The following FIGLA variants were observed in gnomAD, a reference collection of about 807,000 sequenced individuals.
The protein encoded by FIGLA is folliculogenesis specific bHLH transcription factor.
A neutral mutation model predicts 21.5 loss-of-function variants in FIGLA; 17 were observed. The observed-to-expected ratio is 0.79, with a 90% CI of 0.54 to 1.19. The LOEUF (loss-of-function observed/expected upper bound fraction) is 1.19. Ranked by LOEUF, FIGLA falls within the 50% of genes most tolerant of loss-of-function variation. FIGLA has a pLI of 0.00. For synonymous variants in FIGLA, 129 were observed against 117.6 expected, an observed-to-expected ratio of 1.10 and a Z score of -0.63; for missense variants, 282 against 285.0, an observed-to-expected ratio of 0.99 and a Z score of 0.08.
chr2:70,787,657 C>A lies in FIGLA; in HGVS notation c.376G>T (p.Asp126Tyr). ...VLSDLLEGAKDSKKQDPDEQS... is the reference protein window; with the variant it reads ...VLSDLLEGAKYSKKQDPDEQS... ...AAATCTTACACCTTTACCTTTGAGT[C>A]TTTGGCTCCTTCCAAAAGATCACTG... The change falls in exon 2 of 5, where the codon GAC becomes TAC. Residue 126 changes from aspartate to tyrosine, a missense_variant. Coordinates refer to ENST00000332372, the MANE Select transcript of FIGLA (RefSeq NM_001004311.3). The A allele has an allele frequency of 6.4e-7, 1 of 1,566,352 alleles. No individual in the cohort carries two copies. The highest frequency in any genetic ancestry group is 8.7e-7 in the Non-Finnish European group (1 of 1,154,816).
In FIGLA at chr2:70,785,472, G is replaced by A. The variant is rs7566541; in HGVS notation, c.552C>T (p.His184=). Residue 184 remains histidine (H), a synonymous_variant, in exon 3 of 5, where the codon CAC becomes CAT. Transcript: ENST00000332372. Reference sequence around the variant, plus strand: ...TAGACATCACACTGTGGCGACAAGCGTGTGCTGGCTCACCACTGCCACCAT... The same window carrying A: ...TAGACATCACACTGTGGCGACAAGCATGTGCTGGCTCACCACTGCCACCAT... The part of the protein sequence containing the change: ...WADGGSGEPA[H]ACRHSVMSTT... The A allele has an allele frequency of 0.6, 964,775 of 1,613,550 alleles. 297,347 individuals carry two copies. The highest frequency in any genetic ancestry group is 0.92 in the East Asian group (41,110 of 44,878).
rs782471748 is a variant in FIGLA at position 70,787,700 on chromosome 2, A to G, written c.333T>C (p.Thr111=). The G allele has an allele frequency of 6.2e-7, 1 of 1,603,490 alleles. No homozygotes were observed. The highest frequency in any genetic ancestry group is 8.5e-7 in the Non-Finnish European group (1 of 1,175,006). The change falls in exon 2 of 5, where the codon ACT becomes ACC. Residue 111 remains threonine, a synonymous_variant. Coordinates refer to ENST00000332372, the MANE Select transcript of FIGLA (RefSeq NM_001004311.3). ...GATCACTGAGAACCTGTATATATTC[A>G]GTCGCACCTTTAAGGATATCAACTT... ...PSKVDILKGA[T]EYIQVLSDLL...
rs1423661272 is a variant in FIGLA, at chr2:70,790,383, G to A, written c.231+25C>T. On this transcript the variant is annotated intron_variant, in intron 1 of 4. Coordinates refer to ENST00000332372, the MANE Select transcript of FIGLA (RefSeq NM_001004311.3). ...TGGTAGAGCAGGGAAGGGGGGAACG[G>A]ACGTCGACCCTAGGGATCCCTCACC... 3 of 1,500,502 alleles carry A rather than the reference G, an allele frequency of 2.0e-6. No homozygotes were observed. In the Middle Eastern group the frequency reaches 5.2e-4, roughly 258 times the overall value. 92.9% of individuals were successfully genotyped at this position (1,500,502 alleles called of 1,614,324 possible). A position where few individuals can be genotyped will look rare whatever the true frequency, so the allele number is the denominator to read the frequency against.
At chr2:70,782,518 CATT>C (rs1172726351) in intron 3 of FIGLA, among the ~76,000 whole-genome samples, 2 of 152,196 alleles carry the variant, frequency 1.3e-5, no homozygotes, top group Non-Finnish European at 2.9e-5. Flanking sequence ...CTAGAAGAGA[CATT>C]ATTGAGACTA....
intron 1 of FIGLA, among the ~76,000 whole-genome samples, chr2:70,788,431 T>C (rs1180653494): frequency 1.3e-5 from 2 of 152,044 alleles, no homozygotes; most frequent in East Asian, 3.9e-4. Flanking sequence ...ATCCAGAGAG[T>C]TGGTGAGACT....
chr2:70,782,532 C>G (rs1184729533), intron 3 of FIGLA, among the ~76,000 whole-genome samples: 1 of 152,176 alleles, frequency 6.6e-6, no homozygotes, highest in African/African-American at 2.4e-5. Context: ...ATTGAGACTA[C>G]TGGTGAAACT....
At chr2:70,785,239 G>C (rs1217828748) in intron 3 of FIGLA, among the ~76,000 whole-genome samples, 176 bp downstream of exon 3, 9 of 152,178 alleles carry the variant, frequency 5.9e-5, no homozygotes, top group African/African-American at 2.2e-4. Flanking sequence ...CCGCTTACCA[G>C]TTAATTTAGA....
rs1553390726 is a variant in FIGLA at position 70,790,495 on chromosome 2, C to A, written c.144G>T (p.Arg48=). ...PQLAAVCRLK[R]LPSGGYSSTE... is the part of the protein sequence containing the mutation. ...TGGACGAGTAGCCGCCCGAGGGCAG[C>A]CGCTTGAGCCGGCAGACAGCGGCCA... Residue 48 remains arginine (R), a synonymous_variant, in exon 1 of 5, where the codon CGG becomes CGT. Coordinates refer to ENST00000332372, the MANE Select transcript of FIGLA (RefSeq NM_001004311.3). The A allele has an allele frequency of 6.5e-6, 10 of 1,543,240 alleles. No homozygotes were observed. The highest frequency in any genetic ancestry group is 8.7e-6 in the Non-Finnish European group (10 of 1,146,358).
intron 3 of FIGLA, among the ~76,000 whole-genome samples, chr2:70,784,211 G>C (rs1341349091): frequency 6.6e-6 from 1 of 151,818 alleles, no homozygotes; most frequent in East Asian, 1.9e-4. Flanking sequence ...CCCCACCCCT[G>C]CCCTGCCCCC....
intron 3 of FIGLA, among the ~76,000 whole-genome samples, chr2:70,781,069 G>C (rs1475519073): frequency 6.6e-6 from 1 of 152,210 alleles, no homozygotes; most frequent in Non-Finnish European, 1.5e-5. Context: ...AGCTGAGTAG[G>C]CCAGGCACTT....
chr2:70,785,078 G>A (rs1186084477), intron 3 of FIGLA, among the ~76,000 whole-genome samples: 2 of 151,604 alleles, frequency 1.3e-5, no homozygotes, highest in Non-Finnish European at 2.9e-5. Context: ...ATAAACTTAG[G>A]TCTGTATTGG....
intron 3 of FIGLA, among the ~76,000 whole-genome samples, chr2:70,780,281 C>A (rs1675831861): frequency 1.3e-5 from 2 of 152,174 alleles, no homozygotes; most frequent in Non-Finnish European, 2.9e-5. Flanking sequence ...GGATTTCATT[C>A]CCTGGGTCCT....
In FIGLA at chr2:70,790,627, C is replaced by T; in HGVS notation, c.12G>A (p.Ala4=). ...CGGCGCGGGGATCTAGGACGCCGGG[C>T]GCGGGGTCCATGGCAGGGCCGAGGC... The part of the protein sequence containing the change: MDP[A]PGVLDPRAAP... The change falls in exon 1 of 5, where the codon GCG becomes GCA. Residue 4 remains alanine, a synonymous_variant. Transcript: ENST00000332372. 1 of 1,414,652 alleles carries T rather than the reference C, an allele frequency of 7.1e-7. No homozygotes were observed. The highest frequency in any genetic ancestry group is 9.2e-7 in the Non-Finnish European group (1 of 1,090,724). The allele number at this position is 1,414,652 out of a possible 1,614,324, so 87.6% of individuals were successfully genotyped here. A position where few individuals can be genotyped will look rare whatever the true frequency, so the allele number is the denominator to read the frequency against.
Position 70,790,406 on chromosome 2 carries a change from AC to A in FIGLA, c.231+1del. On this transcript the variant is annotated splice_donor_variant, in intron 1 of 4. Transcript: ENST00000332372. LOFTEE classifies it high-confidence loss of function. ...CGGACGTCGACCCTAGGGATCCCTCACCCGCTCACGCTCCTTGGCGTTGGCC... is the reference window on the plus strand; with the variant it reads ...CGGACGTCGACCCTAGGGATCCCTCACCGCTCACGCTCCTTGGCGTTGGCC... The A allele has an allele frequency of 6.5e-7, 1 of 1,530,224 alleles. No individual in the cohort carries two copies. The allele number at this position is 1,530,224 out of a possible 1,614,324, so 94.8% of individuals were successfully genotyped here.
chr2:70,780,121 T>C (rs1460998464), intron 3 of FIGLA, among the ~76,000 whole-genome samples: 1 of 152,206 alleles, frequency 6.6e-6, no homozygotes, highest in Non-Finnish European at 1.5e-5. Context: ...TCTGGGGCTC[T>C]GGCCCCAGAC....
intron 3 of FIGLA, 95 bp from the exon 4 acceptor site, chr2:70,777,766 T>TA (rs1158402311): frequency 1.8e-5 from 11 of 599,304 alleles, no homozygotes; most frequent in East Asian, 9.1e-5. Flanking sequence ...TGGCCAACAG[T>TA]AAAAAAATTG....
rs1233224123 is a variant in FIGLA at position 70,787,762 on chromosome 2, G to A, written c.271C>T (p.Leu91Phe). Residue 91 changes from leucine (L) to phenylalanine (F), a missense_variant, in exon 2 of 5, where the codon CTT becomes TTT. By Grantham distance (22) the Leu-to-Phe change is conservative. Coordinates refer to ENST00000332372, the MANE Select transcript of FIGLA (RefSeq NM_001004311.3). ...CTGCTTTGGGGAAGAAATGGCACAA[G>A]TGCCTTCAATCTGGCAAAACCACGG... ...LNRGFARLKA[L>F]VPFLPQSRKP... 3.7e-6 allele frequency: 6 copies of A among 1,613,152 alleles called. No homozygotes were observed. The African/African-American group carries it at 6.7e-5, about 18-fold the overall frequency.
At chr2:70,789,622 C>T (rs1676021203) in intron 1 of FIGLA, among the ~76,000 whole-genome samples, 1 of 152,208 alleles carries the variant, frequency 6.6e-6, no homozygotes. Context: ...AGTCCCAGTC[C>T]TGAACGTGCG....
intron 2 of FIGLA, 54 bp from the exon 3 acceptor site, chr2:70,785,693 G>A: frequency 7.4e-7 from 1 of 1,348,188 alleles, no homozygotes; most frequent in Non-Finnish European, 1.1e-6. Flanking sequence ...AGATTTTGAT[G>A]ACTTAAACTA....
Sources: gnomAD v4.1 joint callset for allele counts (sites outside exome capture counted in the v4.1 genomes callset) on GRCh38, gnomAD v4.1.1 for gene constraint, MANE v1.5 for transcripts, NCBI Gene and HGNC (gene_info 2026-07-23, HGNC 2026-07-21) for gene names.